MYO16: variants seen among roughly 807,000 people sequenced by gnomAD.
The protein encoded by MYO16 is unconventional myosin-XVI.
MYO16 carries 94 observed loss-of-function variants against 205.3 expected under a neutral mutation model. That is an observed-to-expected ratio of 0.46 (90% CI 0.39 to 0.54). MYO16 has a LOEUF of 0.54. MYO16 is among the 20% of genes least tolerant of loss of function. MYO16 has a pLI of 0.00. For synonymous variants in MYO16, 988 were observed against 954.0 expected, an observed-to-expected ratio of 1.04 and a Z score of -0.66; for missense variants, 2,315 against 2,387.5, an observed-to-expected ratio of 0.97 and a Z score of 0.63.
chr13:108,857,208 G>A lies in MYO16; in HGVS notation c.1359+1655G>A, dbSNP rs554075396. ...TAAGTAAACCTTCCCAGAGCTTCTA[G>A]ATTACATCATCATGGACTATCTGCC... On this transcript the variant is annotated intron_variant, in intron 11 of 34. Coordinates refer to ENST00000457511, the MANE Select transcript of MYO16 (RefSeq NM_001198950.3). Among the ~76,000 whole-genome samples, 8 of 152,232 alleles carry A rather than the reference G, an allele frequency of 5.3e-5. No individual in the cohort carries two copies. The East Asian group carries it at 9.7e-4, about 18-fold the overall frequency.
the MYO16 span, among the ~76,000 whole-genome samples, chr13:108,499,459 C>T: frequency 0.013 from 1,943 of 152,304 alleles, 16 homozygotes; most frequent in Non-Finnish European, 0.019. Flanking sequence ...TACAGGAGCA[C>T]ACTGCGTTTG....
At chr13:108,566,473 C>CTT in the MYO16 span, among the ~76,000 whole-genome samples, 1 of 145,634 alleles carries the variant, frequency 6.9e-6, no homozygotes, top group African/African-American at 2.5e-5. Context: ...AAATAGCCAA[C>CTT]TTTTTTTTTT....
At chr13:109,023,669 A>AT (rs1404454346) in intron 23 of MYO16, among the ~76,000 whole-genome samples, 16 of 66,286 alleles carry the variant, frequency 2.4e-4, no homozygotes, top group East Asian at 6.7e-4. Flanking sequence ...GTATATATGC[A>AT]AATATATGTA....
Position 108,964,859 on chromosome 13 carries a change from A to G in MYO16, c.2326A>G (p.Asn776Asp). 2 of 1,593,672 alleles carry G rather than the reference A, an allele frequency of 1.3e-6. No homozygotes were observed. Among genetic ancestry groups the G allele is most frequent in the Non-Finnish European group, 1.7e-6 (2 of 1,167,304 alleles). ...CAGTCGTTTGTTTAGCTTTTTGGTG[A>G]ATACCATGAATTCTTGCCTCCACAG... ...LYSRLFSFLV[N>D]TMNSCLHSQD... is the part of the protein sequence containing the mutation. Residue 776 changes from asparagine (N) to aspartate (D), a missense_variant, in exon 20 of 35, where the codon AAT (asparagine) becomes GAT (aspartate). By Grantham distance (23) the Asn-to-Asp change is conservative. This residue lies in a region of MYO16 where 1,213 missense variants were observed against 1,274.4 expected (regional missense o/e 0.95). Coordinates refer to ENST00000457511, the MANE Select transcript of MYO16 (RefSeq NM_001198950.3).
chr13:108,533,668 T>A, the MYO16 span, among the ~76,000 whole-genome samples: 47 of 152,358 alleles, frequency 3.1e-4, no homozygotes, highest in African/African-American at 8.7e-4. Context: ...TATCACTTTT[T>A]CTGGTTCTAA....
chr13:108,658,471 A>G (rs1384299563), intron 1 of MYO16, among the ~76,000 whole-genome samples: 1 of 146,290 alleles, frequency 6.8e-6, no homozygotes, highest in African/African-American at 2.6e-5. Flanking sequence ...TTCTAAATTC[A>G]TGTGCCAGAT....
chr13:109,164,487 A>G (rs1878545814), intron 32 of MYO16, among the ~76,000 whole-genome samples: 1 of 152,210 alleles, frequency 6.6e-6, no homozygotes, highest in African/African-American at 2.4e-5. Flanking sequence ...TGAAAATATC[A>G]CTATAGTGTT....
chr13:108,832,400 C>T (rs1876670214), intron 9 of MYO16, among the ~76,000 whole-genome samples: 2 of 151,664 alleles, frequency 1.3e-5, no homozygotes, highest in South Asian at 2.1e-4. Flanking sequence ...CCTCAGCCTC[C>T]CAAAGTGCTA....
chr13:108,541,373 ATTTG>A, the MYO16 span, among the ~76,000 whole-genome samples: 14 of 151,026 alleles, frequency 9.3e-5, no homozygotes, highest in East Asian at 2.1e-3. Context: ...TAATTTATAT[ATTTG>A]TTTTATATAT....
chr13:109,141,928 C>A lies in MYO16; in HGVS notation c.5164+552C>A, dbSNP rs1246708087. 6.6e-6 allele frequency among the ~76,000 whole-genome samples: 1 copy of A among 152,126 alleles called. No individual in the cohort carries two copies. The highest frequency in any genetic ancestry group is 1.5e-5 in the Non-Finnish European group (1 of 68,036). ...GAACTGCTTTTCTTCTGGTCGTATGCCATCCAAGGAGCACTCTAACGCAGC... is the reference window on the plus strand; with the variant it reads ...GAACTGCTTTTCTTCTGGTCGTATGACATCCAAGGAGCACTCTAACGCAGC... On this transcript the variant is annotated intron_variant, in intron 32 of 34. Coordinates refer to ENST00000457511, the MANE Select transcript of MYO16 (RefSeq NM_001198950.3). This position sits in a 1 kb window ranked among gnomAD's most constrained non-coding sequence, Gnocchi z 4.1.
chr13:109,116,996 C>T (rs1566514102), intron 28 of MYO16, among the ~76,000 whole-genome samples: 1 of 152,180 alleles, frequency 6.6e-6, no homozygotes, highest in Non-Finnish European at 1.5e-5. Context: ...GGCTTCTGGG[C>T]TTCAGATTCA....
intron 7 of MYO16, among the ~76,000 whole-genome samples, chr13:108,815,890 T>C (rs1875557083): frequency 6.6e-6 from 1 of 152,186 alleles, no homozygotes; most frequent in Non-Finnish European, 1.5e-5. Context: ...CTTCCACTTG[T>C]AAGATTTCAA....
intron 7 of MYO16, among the ~76,000 whole-genome samples, chr13:108,811,028 G>T (rs201036796): frequency 6.6e-6 from 1 of 152,096 alleles, no homozygotes; most frequent in Non-Finnish European, 1.5e-5. Flanking sequence ...TGAGTTGTAC[G>T]TGAAGTAAAA....
chr13:108,700,127 G>A (rs1478034887), intron 2 of MYO16, among the ~76,000 whole-genome samples: 3 of 152,090 alleles, frequency 2.0e-5, no homozygotes, highest in African/African-American at 7.2e-5. Context: ...GAGGCCAGGA[G>A]TTTGAGACCA....
intron 4 of MYO16, among the ~76,000 whole-genome samples, chr13:108,773,953 A>G (rs1886048611): frequency 1.3e-5 from 2 of 152,082 alleles, no homozygotes; most frequent in Admixed American, 6.6e-5. Context: ...TTAGCTGGGC[A>G]TGGTGGTGAG....
At chr13:108,916,963 G>C (rs1034031981) in intron 16 of MYO16, among the ~76,000 whole-genome samples, 1 of 152,052 alleles carries the variant, frequency 6.6e-6, no homozygotes. Context: ...AAAAGAAAAA[G>C]GGGGAGTGTT....
the MYO16 span, among the ~76,000 whole-genome samples, chr13:108,505,792 G>A: frequency 6.0e-4 from 91 of 151,976 alleles, 1 homozygote; most frequent in African/African-American, 2.1e-3. Context: ...GATGTATATG[G>A]TTTCAGATCC....
chr13:109,104,700 T>C (rs1889068813), intron 28 of MYO16, among the ~76,000 whole-genome samples: 1 of 152,118 alleles, frequency 6.6e-6, no homozygotes, highest in Non-Finnish European at 1.5e-5. Context: ...CTGGTGGAAA[T>C]GCATGTCAAA....
chr13:108,627,113 G>A (rs528310681), upstream of MYO16, among the ~76,000 whole-genome samples: 3 of 151,274 alleles, frequency 2.0e-5, no homozygotes, highest in African/African-American at 4.8e-5. Flanking sequence ...ATTTTATGAA[G>A]GAAGTAAAGT....
Sources: allele counts gnomAD v4.1 joint callset (sites outside exome capture counted in the v4.1 genomes callset), GRCh38; gene constraint gnomAD v4.1.1; regional missense constraint gnomAD v4.1.1; non-coding constraint Gnocchi (gnomAD v3.1); transcripts MANE v1.5; gene names NCBI Gene and HGNC (gene_info 2026-07-23, HGNC 2026-07-21).